Variants in CAST observed in about 807,000 individuals in gnomAD.
CAST encodes calpastatin.
Under a neutral mutation model 119.6 loss-of-function variants are expected in CAST, and 76 were observed. That is an observed-to-expected ratio of 0.64 (90% CI 0.53 to 0.77). The LOEUF is 0.77. Ranked by LOEUF, CAST falls within the 30% of genes least tolerant of loss-of-function variation. CAST has a pLI of 0.00. For synonymous variants in CAST, 319 were observed against 331.6 expected, an observed-to-expected ratio of 0.96 and a Z score of 0.41; for missense variants, 953 against 946.5, an observed-to-expected ratio of 1.01 and a Z score of -0.09.
the CAST span, among the ~76,000 whole-genome samples, chr5:96,040,147 G>A: frequency 6.6e-6 from 1 of 152,160 alleles, no homozygotes; most frequent in South Asian, 2.1e-4. Flanking sequence ...GTGAATAGGA[G>A]TTCACTCATG....
the CAST span, among the ~76,000 whole-genome samples, chr5:96,236,477 A>C: frequency 6.6e-6 from 1 of 152,172 alleles, no homozygotes; most frequent in Non-Finnish European, 1.5e-5. Context: ...GGGACTCTAG[A>C]GTCTTCCCTT....
In CAST at chr5:96,706,431, C is replaced by T. The variant is rs151100123; in HGVS notation, c.210+10524C>T. On this transcript the variant is annotated intron_variant, in intron 3 of 31. Transcript: ENST00000675179. ...AAAGTGTTAAATGGCAGTGCTGTCA[C>T]GATACTGTAAAAGCGGAGTGAAAGG... Among the ~76,000 whole-genome samples the T allele has an allele frequency of 2.6e-5, 4 of 152,176 alleles. No homozygotes were observed. The East Asian group carries it at 5.8e-4, about 22-fold the overall frequency.
the CAST span, among the ~76,000 whole-genome samples, chr5:96,167,817 G>C: frequency 1.3e-5 from 2 of 152,162 alleles, no homozygotes; most frequent in East Asian, 3.9e-4. Context: ...TTCCTAACTC[G>C]AGGCATGTGA....
intron 2 of CAST, among the ~76,000 whole-genome samples, chr5:96,688,430 A>G (rs1229000657): frequency 6.6e-6 from 1 of 152,216 alleles, no homozygotes; most frequent in East Asian, 1.9e-4. Context: ...ACTTACTTAT[A>G]TCCAACGATA....
the CAST span, chr5:96,429,139 CTGTTTT>C: frequency 2.5e-6 from 2 of 801,560 alleles, no homozygotes; most frequent in Non-Finnish European, 4.3e-6. Flanking sequence ...CAAAATGCTT[CTGTTTT>C]TATTAGAAAT....
intron 1 of CAST, among the ~76,000 whole-genome samples, chr5:96,619,497 A>G (rs2611720): frequency 0.13 from 19,718 of 152,250 alleles, 1,367 homozygotes; most frequent in South Asian, 0.18. Flanking sequence ...GGCTGCCCGA[A>G]CTAGCAGCAG....
chr5:96,361,547 A>G, the CAST span, among the ~76,000 whole-genome samples: 2 of 152,158 alleles, frequency 1.3e-5, no homozygotes, highest in Non-Finnish European at 2.9e-5. Context: ...ACTGTTCCTC[A>G]CGGCATGGTC....
the CAST span, among the ~76,000 whole-genome samples, chr5:96,013,664 C>T: frequency 6.6e-6 from 1 of 152,034 alleles, no homozygotes; most frequent in East Asian, 1.9e-4. Context: ...CTACTACATA[C>T]CTAGGCTATA....
chr5:96,402,473 T>C, the CAST span, among the ~76,000 whole-genome samples: 3 of 152,078 alleles, frequency 2.0e-5, no homozygotes, highest in African/African-American at 7.2e-5. Flanking sequence ...CTAGACACTT[T>C]CCTCACTCAG....
At chr5:96,229,542 G>A in the CAST span, among the ~76,000 whole-genome samples, 4,632 of 152,164 alleles carry the variant, frequency 0.03, 228 homozygotes, top group African/African-American at 0.11. Context: ...GAGCCCGATA[G>A]CCACAACAGT....
chr5:96,641,231 G>A (rs1325681327), intron 1 of CAST, among the ~76,000 whole-genome samples: 1 of 151,950 alleles, frequency 6.6e-6, no homozygotes, highest in Non-Finnish European at 1.5e-5. Context: ...GAAATAAAGG[G>A]AAAATAAAAT....
chr5:96,451,118 T>A, the CAST span, among the ~76,000 whole-genome samples: 1 of 149,518 alleles, frequency 6.7e-6, no homozygotes, highest in African/African-American at 2.6e-5. Context: ...TTTGCTCCTG[T>A]GATATCTGTT....
chr5:96,509,352 A>G, the CAST span, among the ~76,000 whole-genome samples: 20 of 152,292 alleles, frequency 1.3e-4, no homozygotes, highest in Middle Eastern at 0.01. Flanking sequence ...TTCAAATCCA[A>G]TTTTAAATGG....
At chr5:96,036,307 T>G in the CAST span, among the ~76,000 whole-genome samples, 1 of 152,070 alleles carries the variant, frequency 6.6e-6, no homozygotes. Flanking sequence ...ATGAATTTAT[T>G]CCCTTTTTAA....
At chr5:96,069,732 C>T in the CAST span, among the ~76,000 whole-genome samples, 2 of 144,756 alleles carry the variant, frequency 1.4e-5, no homozygotes, top group African/African-American at 5.1e-5. Context: ...AACTCCAGGC[C>T]TAAAGCAATC....
At chr5:96,276,073 G>A in the CAST span, among the ~76,000 whole-genome samples, 1 of 152,138 alleles carries the variant, frequency 6.6e-6, no homozygotes, top group East Asian at 1.9e-4. Context: ...AACCCACCAT[G>A]TTTACATGCA....
the CAST span, among the ~76,000 whole-genome samples, chr5:96,118,336 A>G: frequency 2.6e-5 from 4 of 151,992 alleles, no homozygotes; most frequent in Non-Finnish European, 5.9e-5. Flanking sequence ...CCCTCTCCCA[A>G]TTGTGGTTTG....
chr5:96,168,276 T>G, the CAST span, among the ~76,000 whole-genome samples: 2 of 152,198 alleles, frequency 1.3e-5, no homozygotes, highest in Non-Finnish European at 2.9e-5. Flanking sequence ...TGGGATCTGA[T>G]GCCTTTTGAT....
the CAST span, among the ~76,000 whole-genome samples, chr5:96,453,683 A>C: frequency 5.3e-5 from 8 of 152,340 alleles, no homozygotes; most frequent in East Asian, 1.5e-3. Flanking sequence ...ATTGTTTCCA[A>C]AGCATGCATG....
Sources: gnomAD v4.1 joint callset for allele counts (sites outside exome capture counted in the v4.1 genomes callset) on GRCh38, gnomAD v4.1.1 for gene constraint, MANE v1.5 for transcripts, NCBI Gene and HGNC (gene_info 2026-07-23, HGNC 2026-07-21) for gene names.